The following PIK3R4 variants were observed in gnomAD, a reference collection of about 807,000 sequenced individuals.
The protein encoded by PIK3R4 is phosphoinositide 3-kinase regulatory subunit 4.
Under a neutral mutation model 136.5 loss-of-function variants are expected in PIK3R4, and 46 were observed. The observed-to-expected ratio is 0.34, with a 90% CI of 0.27 to 0.43. The LOEUF is 0.43. PIK3R4 is among the 20% of genes least tolerant of loss of function. The pLI, the probability that PIK3R4 is intolerant of heterozygous loss-of-function variation, is 1.00. For synonymous variants in PIK3R4, 557 were observed against 566.7 expected (o/e 0.98, Z 0.24); for missense variants, 1,331 against 1,649.5 (o/e 0.81, Z 3.35).
chr3:130,716,338 C>T, intron 9 of PIK3R4, 58 bp downstream of exon 9: 1 of 1,372,556 alleles, frequency 7.3e-7, no homozygotes. Flanking sequence ...TAAATGGACA[C>T]TTCAATATTT....
chr3:130,681,963 T>C (rs1409504560), intron 16 of PIK3R4, among the ~76,000 whole-genome samples: 2 of 152,058 alleles, frequency 1.3e-5, no homozygotes, highest in East Asian at 3.9e-4. Context: ...GGGAGATAAG[T>C]AGGAGAAAGG....
Position 130,744,977 on chromosome 3 carries a change from G to T in PIK3R4, c.242C>A (p.Ala81Glu), listed in dbSNP as rs777796019. 1 of 1,614,062 alleles carries T rather than the reference G, an allele frequency of 6.2e-7. No individual in the cohort carries two copies. The highest frequency in any genetic ancestry group is 1.1e-5 in the South Asian group (1 of 91,080). Residue 81 changes from alanine (A) to glutamate (E), a missense_variant, in exon 2 of 20, where the codon GCA becomes GAA. Physicochemically the swap from Ala to Glu is moderately radical, Grantham distance 107. Around this residue, in one of 2 missense-constraint regions of PIK3R4, gnomAD observed 151 missense variants for 242.5 expected, o/e 0.62. Coordinates refer to ENST00000356763, the MANE Select transcript of PIK3R4 (RefSeq NM_014602.3). ...TTTCTGGAAAGGTAGACAATTCTGTGCAGAATTAAGCCTGATTTTCAGTTC... is the reference window on the plus strand; with the variant it reads ...TTTCTGGAAAGGTAGACAATTCTGTTCAGAATTAAGCCTGATTTTCAGTTC... ...LEELKIRLNS[A>E]QNCLPFQKAS...
At chr3:130,716,798 G>A (rs546584469) in intron 8 of PIK3R4, among the ~76,000 whole-genome samples, 199 bp from the exon 9 acceptor site, 7 of 145,280 alleles carry the variant, frequency 4.8e-5, no homozygotes, top group East Asian at 2.1e-4. Context: ...TCATTGTAGC[G>A]CTAGACCACA....
rs78803050 is a variant in PIK3R4 at position 130,742,534 on chromosome 3, A to C, written c.733+1952T>G. 1.2e-3 allele frequency among the ~76,000 whole-genome samples: 190 copies of C among 152,340 alleles called. 3 individuals carry two copies. The East Asian group carries it at 0.03, about 24-fold the overall frequency. ...TGGATTACATTTCTAACCTTGTTAT[A>C]CTGTATTTACAACCTTGAGGCTAAC... On this transcript the variant is annotated intron_variant, in intron 2 of 19. Transcript: ENST00000356763.
intron 5 of PIK3R4, among the ~76,000 whole-genome samples, chr3:130,728,887 A>T (rs1402962153): frequency 2.0e-5 from 3 of 152,136 alleles, no homozygotes; most frequent in African/African-American, 7.2e-5. Flanking sequence ...AAAGTGAAGA[A>T]TATCCTAACA....
At chr3:130,682,476 A>AAAAT (rs1189304744) in intron 16 of PIK3R4, among the ~76,000 whole-genome samples, 1 of 151,914 alleles carries the variant, frequency 6.6e-6, no homozygotes, top group East Asian at 1.9e-4. Flanking sequence ...AATTATTAAA[A>AAAAT]AAATAAGTTG....
intron 12 of PIK3R4, 23 bp downstream of exon 12, chr3:130,705,538 C>T: frequency 6.7e-7 from 1 of 1,501,840 alleles, no homozygotes; most frequent in Non-Finnish European, 9.3e-7. Flanking sequence ...TAGACTACAA[C>T]TACTTATCAA....
At chr3:130,703,487 CCTGCTGTATTTT>C in intron 13 of PIK3R4, among the ~76,000 whole-genome samples, 1 of 152,288 alleles carries the variant, frequency 6.6e-6, no homozygotes, top group Admixed American at 6.5e-5. Flanking sequence ...AGCTTCCTTT[CCTGCTGTATTTT>C]TTACCACAAT....
At chr3:130,710,914 G>A (rs2066629363) in intron 9 of PIK3R4, among the ~76,000 whole-genome samples, 1 of 150,588 alleles carries the variant, frequency 6.6e-6, no homozygotes, top group African/African-American at 2.4e-5. Context: ...AAAATCACTT[G>A]GAAAATGGAA....
At position 130,691,701 on chromosome 3, in the gene PIK3R4, G is replaced by A. The variant is rs374246185; in HGVS notation, c.3099-1047C>T. Among the ~76,000 whole-genome samples the A allele has an allele frequency of 3.3e-4, 50 of 151,330 alleles. No homozygotes were observed. The South Asian group carries it at 8.3e-3, about 25-fold the overall frequency. ...TTATAAAAGTTAATGCATATTAAGT[G>A]TACTAAATACAGAAATGTAAAAACA... On this transcript the variant is annotated intron_variant, in intron 13 of 19. Transcript: ENST00000356763.
chr3:130,705,258 T>G (rs1305488400), intron 12 of PIK3R4, among the ~76,000 whole-genome samples: 1 of 152,192 alleles, frequency 6.6e-6, no homozygotes, highest in Non-Finnish European at 1.5e-5. Context: ...AAGCCAGACA[T>G]TCAAGTGAAA....
intron 2 of PIK3R4, among the ~76,000 whole-genome samples, chr3:130,737,650 A>T (rs1024810986): frequency 1.3e-5 from 2 of 152,150 alleles, no homozygotes; most frequent in Non-Finnish European, 1.5e-5. Context: ...ACAGAGCCAG[A>T]CTCTGTCTCA....
chr3:130,693,913 T>A (rs1218509993), intron 13 of PIK3R4, among the ~76,000 whole-genome samples: 1 of 152,156 alleles, frequency 6.6e-6, no homozygotes, highest in Non-Finnish European at 1.5e-5. Flanking sequence ...TTTTAGTTCT[T>A]ACATTTAGTC....
intron 13 of PIK3R4, among the ~76,000 whole-genome samples, chr3:130,694,581 T>C (rs771489154): frequency 2.0e-4 from 30 of 152,166 alleles, no homozygotes; most frequent in African/African-American, 4.8e-4. Context: ...GGACTATTCA[T>C]TGCTACCATA....
rs777072326 is a variant in PIK3R4 at position 130,745,190 on chromosome 3, G to A, written c.29C>T (p.Pro10Leu). ...ACTCTCTACAGAAAGGATCTGGGAG[G>A]GAGCAATGCCAGCAAGCTGATTTCC... Reference protein sequence around the residue: MGNQLAGIAPSQILSVESYF... With the variant: MGNQLAGIALSQILSVESYF... The change falls in exon 2 of 20, where the codon CCC (proline) becomes CTC (leucine). Residue 10 changes from proline to leucine, a missense_variant. Physicochemically the swap from Pro to Leu is moderately conservative, Grantham distance 98. Coordinates refer to ENST00000356763, the MANE Select transcript of PIK3R4 (RefSeq NM_014602.3). 6.2e-7 allele frequency: 1 copy of A among 1,604,528 alleles called. No individual in the cohort carries two copies. The highest frequency in any genetic ancestry group is 8.5e-7 in the Non-Finnish European group (1 of 1,178,274).
rs370652312 is a variant in PIK3R4, at chr3:130,703,882, C to T, written c.2939G>A (p.Arg980His). ...WESKPPPPGWRPKGLLVAHLH... is the reference protein window; with the variant it reads ...WESKPPPPGWHPKGLLVAHLH... ...ATGGGCAACTAACAGCCCTTTAGGACGCCATCCTAAGGAAAAGCAAAGGAG... is the reference window on the plus strand; with the variant it reads ...ATGGGCAACTAACAGCCCTTTAGGATGCCATCCTAAGGAAAAGCAAAGGAG... The change falls in exon 13 of 20, where the codon CGT (arginine) becomes CAT (histidine). Residue 980 changes from arginine to histidine, a missense_variant. Transcript: ENST00000356763. The T allele has an allele frequency of 3.0e-5, 48 of 1,606,888 alleles. No individual in the cohort carries two copies. Among genetic ancestry groups the T allele is most frequent in the Middle Eastern group, 1.7e-4 (1 of 6,058 alleles).
chr3:130,720,751 G>A (rs931167752), intron 7 of PIK3R4, among the ~76,000 whole-genome samples: 2 of 152,194 alleles, frequency 1.3e-5, no homozygotes, highest in Non-Finnish European at 2.9e-5. Flanking sequence ...CAGCACCTGG[G>A]TATAGCAAAA....
At position 130,716,522 on chromosome 3, in the gene PIK3R4, A is replaced by T. The variant is rs2066665875; in HGVS notation, c.2205T>A (p.Ser735=). 1 of 1,613,928 alleles carries T rather than the reference A, an allele frequency of 6.2e-7. No individual in the cohort carries two copies. Among genetic ancestry groups the T allele is most frequent in the African/African-American group, 1.3e-5 (1 of 75,074 alleles). ...SRSIFDYALR[S]KDITSLFRHL... is the part of the protein sequence containing the mutation. ...GTCTGAACAAGCTAGTAATATCTTT[A>T]GACCTCAAAGCATAATCAAATATAG... The change falls in exon 9 of 20, where the codon TCT becomes TCA. Residue 735 remains serine (S), a synonymous_variant. Coordinates refer to ENST00000356763, the MANE Select transcript of PIK3R4 (RefSeq NM_014602.3).
chr3:130,720,632 T>C (rs1011729556), intron 7 of PIK3R4, among the ~76,000 whole-genome samples: 17 of 152,108 alleles, frequency 1.1e-4, no homozygotes, highest in Admixed American at 6.5e-4. Flanking sequence ...GTGAAAACAA[T>C]ATGGCTGAAT....
Sources: gnomAD v4.1 joint callset for allele counts (sites outside exome capture counted in the v4.1 genomes callset) on GRCh38, gnomAD v4.1.1 for gene constraint, gnomAD v4.1.1 regional missense constraint, MANE v1.5 for transcripts, NCBI Gene and HGNC (gene_info 2026-07-23, HGNC 2026-07-21) for gene names.